SREK1IP1: variants seen among roughly 807,000 people sequenced by gnomAD.
The protein encoded by SREK1IP1 is protein SREK1IP1.
Under a neutral mutation model 22.8 loss-of-function variants are expected in SREK1IP1, and 12 were observed. The observed-to-expected ratio is 0.53, with a 90% CI of 0.34 to 0.85. The LOEUF (loss-of-function observed/expected upper bound fraction) is 0.85. Among genes scored for constraint, SREK1IP1 ranks in the 40% least tolerant of loss-of-function variants. SREK1IP1 has a pLI of 0.02. For missense variants in SREK1IP1, 147 were observed against 171.8 expected (o/e 0.86, Z 0.81); for synonymous variants, 53 against 52.7 (o/e 1.01, Z -0.02).
Position 64,718,336 on chromosome 5 carries a change from A to T in SREK1IP1, c.*6048T>A, listed in dbSNP as rs998327173. 1 of 197,590 alleles carries T rather than the reference A, an allele frequency of 5.1e-6. No individual in the cohort carries two copies. Among genetic ancestry groups the T allele is most frequent in the Non-Finnish European group, 1.0e-5 (1 of 99,486 alleles). The allele number at this position is 197,590 out of a possible 1,614,324, so 12.2% of individuals were successfully genotyped here. A position where few individuals can be genotyped will look rare whatever the true frequency, so the allele number is the denominator to read the frequency against. On this transcript the variant is annotated 3_prime_UTR_variant, in exon 5 of 5. Transcript: ENST00000513458. ...CTCAGTGAAGAACAGTGAGAAGTTT[A>T]TGTCACATTACCAGCATTTCTCAAC...
At position 64,723,717 on chromosome 5, in the gene SREK1IP1, C is replaced by T. The variant is rs1742213235; in HGVS notation, c.*667G>A. 1 of 152,398 alleles carries T rather than the reference C, an allele frequency of 6.6e-6. No individual in the cohort carries two copies. The highest frequency in any genetic ancestry group is 6.6e-5 in the Admixed American group (1 of 15,264). The allele number at this position is 152,398 out of a possible 1,614,324, so 9.4% of individuals were successfully genotyped here. A position where few individuals can be genotyped will look rare whatever the true frequency, so the allele number is the denominator to read the frequency against. ...AGAAGTATTTTAATTATTACAAAAA[C>T]AAAGGAGGCAGGTACTAGAAATTCT... On this transcript the variant is annotated 3_prime_UTR_variant, in exon 5 of 5. Transcript: ENST00000513458.
At chr5:64,732,987 C>T (rs1316990502) in intron 3 of SREK1IP1, among the ~76,000 whole-genome samples, 1 of 149,686 alleles carries the variant, frequency 6.7e-6, no homozygotes, top group Non-Finnish European at 1.5e-5. Flanking sequence ...GTTGGAACAA[C>T]TGAACACCCA....
In SREK1IP1 at chr5:64,742,530, T is replaced by C. The variant is rs1323052175; in HGVS notation, c.62-1330A>G. ...AATTCATTTCACGATCCACTAATGA[T>C]TCACTACAAATCTATGCTAGGGGTT... is the stretch of plus-strand genomic sequence containing the variant. On this transcript the variant is annotated intron_variant, in intron 2 of 4. Transcript: ENST00000513458. Among the ~76,000 whole-genome samples, 3 of 152,202 alleles carry C rather than the reference T, an allele frequency of 2.0e-5. No individual in the cohort carries two copies. The East Asian group carries it at 5.8e-4, about 29-fold the overall frequency.
intron 3 of SREK1IP1, among the ~76,000 whole-genome samples, chr5:64,729,594 G>A (rs1434946309): frequency 6.6e-6 from 1 of 152,120 alleles, no homozygotes; most frequent in African/African-American, 2.4e-5. Context: ...TAAGTGAGAC[G>A]GACTGTGTGA....
intron 3 of SREK1IP1, among the ~76,000 whole-genome samples, chr5:64,735,837 A>G (rs2610240): frequency 0.63 from 95,641 of 151,842 alleles, 32,140 homozygotes; most frequent in African/African-American, 0.88. Flanking sequence ...TTGATTTTCT[A>G]TAGTTTTGTT....
At position 64,718,614 on chromosome 5, in the gene SREK1IP1, A is replaced by G. The variant is rs1166240491; in HGVS notation, c.*5770T>C. On this transcript the variant is annotated 3_prime_UTR_variant, in exon 5 of 5. Coordinates refer to ENST00000513458, the MANE Select transcript of SREK1IP1 (RefSeq NM_173829.4). ...CCTTTGCTGATATATTTCCTAAATA[A>G]TCTGTATAATGAAAGCTACAAAACA... is the stretch of plus-strand genomic sequence containing the variant. 6.6e-6 allele frequency: 1 copy of G among 152,220 alleles called. No individual in the cohort carries two copies. Among genetic ancestry groups the G allele is most frequent in the Non-Finnish European group, 1.5e-5 (1 of 68,024 alleles). 9.4% of individuals were successfully genotyped at this position (152,220 alleles called of 1,614,324 possible).
chr5:64,747,275 C>T (rs778780618), intron 2 of SREK1IP1, among the ~76,000 whole-genome samples: 5 of 152,140 alleles, frequency 3.3e-5, no homozygotes, highest in Non-Finnish European at 7.3e-5. Context: ...GGAAGTGGGG[C>T]TGAAAGCTCC....
intron 3 of SREK1IP1, among the ~76,000 whole-genome samples, chr5:64,733,830 C>T (rs1236450373): frequency 1.3e-5 from 2 of 152,028 alleles, no homozygotes; most frequent in African/African-American, 4.8e-5. Context: ...ATTAGTCAGT[C>T]TGTAGAGAAT....
intron 2 of SREK1IP1, among the ~76,000 whole-genome samples, chr5:64,746,208 TA>T (rs1742635014): frequency 6.6e-6 from 1 of 152,120 alleles, no homozygotes; most frequent in African/African-American, 2.4e-5. Context: ...AGACTATATG[TA>T]AAAATTAACT....
intron 2 of SREK1IP1, among the ~76,000 whole-genome samples, chr5:64,749,167 C>T (rs1455350546): frequency 6.6e-6 from 1 of 150,844 alleles, no homozygotes; most frequent in Non-Finnish European, 1.5e-5. Flanking sequence ...TCAATCTATA[C>T]ACACACACAA....
chr5:64,723,853 TACA>T lies in SREK1IP1; in HGVS notation c.*528_*530del, dbSNP rs543416503. On this transcript the variant is annotated 3_prime_UTR_variant, in exon 5 of 5. Coordinates refer to ENST00000513458, the MANE Select transcript of SREK1IP1 (RefSeq NM_173829.4). ...AAGACCATTAAGCAGCTGCATCTTC[TACA>T]ACATTGAAAAAAAATCCCTAGAGAT... is the stretch of plus-strand genomic sequence containing the variant. 1.3e-3 allele frequency: 205 copies of T among 152,716 alleles called. 1 individual carries two copies. Among genetic ancestry groups the T allele is most frequent in the Non-Finnish European group, 2.6e-3 (175 of 68,018 alleles). The allele number at this position is 152,716 out of a possible 1,614,324, so 9.5% of individuals were successfully genotyped here. A position where few individuals can be genotyped will look rare whatever the true frequency, so the allele number is the denominator to read the frequency against.
At chr5:64,746,612 T>A (rs1742642432) in intron 2 of SREK1IP1, among the ~76,000 whole-genome samples, 1 of 152,112 alleles carries the variant, frequency 6.6e-6, no homozygotes, top group Non-Finnish European at 1.5e-5. Context: ...ATTAAAGAAA[T>A]GCAAATCAAA....
chr5:64,737,769 T>C (rs1389371155), intron 3 of SREK1IP1, among the ~76,000 whole-genome samples: 1 of 152,096 alleles, frequency 6.6e-6, no homozygotes, highest in East Asian at 1.9e-4. Context: ...AGGGGTGTTA[T>C]ATAAATATAT....
chr5:64,737,007 G>A (rs1021011178), intron 3 of SREK1IP1, among the ~76,000 whole-genome samples: 10 of 150,330 alleles, frequency 6.7e-5, no homozygotes, highest in African/African-American at 2.2e-4. Flanking sequence ...AAATAAAACA[G>A]TAGCTATGGG....
chr5:64,726,010 TACCC>T (rs1742258744), intron 4 of SREK1IP1, among the ~76,000 whole-genome samples: 1 of 151,478 alleles, frequency 6.6e-6, no homozygotes, highest in Non-Finnish European at 1.5e-5. Flanking sequence ...GGATTACAGG[TACCC>T]ACCTGTAATC....
chr5:64,767,080 T>A (rs1353616426), intron 1 of SREK1IP1, among the ~76,000 whole-genome samples: 1 of 152,224 alleles, frequency 6.6e-6, no homozygotes, highest in Non-Finnish European at 1.5e-5. Context: ...TTATCTCCCA[T>A]CTGTATTTGA....
At chr5:64,758,762 G>A (rs1163418802) in intron 1 of SREK1IP1, among the ~76,000 whole-genome samples, 1 of 152,160 alleles carries the variant, frequency 6.6e-6, no homozygotes, top group East Asian at 1.9e-4. Flanking sequence ...CATCACTCAA[G>A]TATCCCACAG....
At chr5:64,737,734 T>G (rs1009389703) in intron 3 of SREK1IP1, among the ~76,000 whole-genome samples, 21 of 151,580 alleles carry the variant, frequency 1.4e-4, no homozygotes, top group African/African-American at 2.9e-4. Flanking sequence ...AAAAAGAGAG[T>G]ATAAGTGATG....
At chr5:64,735,886 C>T (rs986076407) in intron 3 of SREK1IP1, among the ~76,000 whole-genome samples, 1 of 151,932 alleles carries the variant, frequency 6.6e-6, no homozygotes, top group African/African-American at 2.4e-5. Context: ...TTATTATTCT[C>T]TTTCTTCTGC....
Sources: allele counts gnomAD v4.1 joint callset (sites outside exome capture counted in the v4.1 genomes callset), GRCh38; gene constraint gnomAD v4.1.1; transcripts MANE v1.5; gene names NCBI Gene and HGNC (gene_info 2026-07-23, HGNC 2026-07-21).